The following SGK1 variants were observed in gnomAD, a reference collection of about 807,000 sequenced individuals.
SGK1 encodes serum/glucocorticoid regulated kinase 1.
Under a neutral mutation model 64.2 loss-of-function variants are expected in SGK1, and 26 were observed. The ratio of observed to expected loss-of-function variants is 0.40; its 90% confidence interval spans 0.30 to 0.56. The LOEUF (loss-of-function observed/expected upper bound fraction) is 0.56. Ranked by LOEUF, SGK1 falls within the 20% of genes least tolerant of loss-of-function variation. SGK1 has a pLI of 0.38. For missense variants in SGK1, 519 were observed against 645.6 expected (o/e 0.80, Z 2.12); for synonymous variants, 265 against 239.7 (o/e 1.11, Z -0.98).
chr6:134,233,774 C>A (rs1007988287), intron 2 of SGK1, among the ~76,000 whole-genome samples: 1 of 150,124 alleles, frequency 6.7e-6, no homozygotes, highest in African/African-American at 2.4e-5. Context: ...TGATGCCAAA[C>A]TAAATTGGCA....
intron 1 of SGK1, among the ~76,000 whole-genome samples, chr6:134,300,993 G>A (rs1777445909): frequency 6.6e-6 from 1 of 152,042 alleles, no homozygotes; most frequent in Non-Finnish European, 1.5e-5. Context: ...ACTGACGTTG[G>A]GAGAAAAGAA....
At chr6:134,261,860 T>C in intron 2 of SGK1, 73 bp downstream of exon 2, 1 of 1,090,002 alleles carries the variant, frequency 9.2e-7, no homozygotes, top group Non-Finnish European at 1.4e-6. Flanking sequence ...GGGTATACTC[T>C]GGCAGAAATA....
intron 2 of SGK1, among the ~76,000 whole-genome samples, chr6:134,241,185 G>A (rs1776442225): frequency 6.6e-6 from 1 of 151,530 alleles, no homozygotes; most frequent in South Asian, 2.1e-4. Flanking sequence ...GAGTAGCTGG[G>A]ACTACAGGCA....
Position 134,207,554 on chromosome 6 carries a change from T to G in SGK1, c.286-123A>C, listed in dbSNP as rs927411628. On this transcript the variant is annotated intron_variant, in intron 2 of 13. Coordinates refer to ENST00000367858, the MANE Select transcript of SGK1 (RefSeq NM_001143676.3). ...ACTAGTACATATGGCATGTCTGTGC[T>G]CTAATTAGGGTGGTTTTCTCAGGAC... 7.1e-6 allele frequency: 5 copies of G among 704,244 alleles called. No individual in the cohort carries two copies. The East Asian group carries it at 1.4e-4, about 19-fold the overall frequency. The allele number at this position is 704,244 out of a possible 1,614,324, so 43.6% of individuals were successfully genotyped here.
chr6:134,267,216 T>A (rs181279106), intron 1 of SGK1, among the ~76,000 whole-genome samples: 80 of 152,164 alleles, frequency 5.3e-4, no homozygotes, highest in Non-Finnish European at 1.1e-3. Context: ...TATTTCTTTT[T>A]GTTTTTTATT....
intron 2 of SGK1, among the ~76,000 whole-genome samples, chr6:134,222,361 G>A (rs1269366709): frequency 6.7e-6 from 1 of 149,308 alleles, no homozygotes; most frequent in Non-Finnish European, 1.5e-5. Context: ...TTGAGACGGA[G>A]TTTCACTCTT....
chr6:134,212,102 G>A (rs1033550562), intron 2 of SGK1, among the ~76,000 whole-genome samples: 1 of 151,354 alleles, frequency 6.6e-6, no homozygotes, highest in African/African-American at 2.4e-5. Context: ...CGCCCAGGCT[G>A]GAGTGCAGTG....
In SGK1 at chr6:134,316,423, G is replaced by A. The variant is rs142866647; in HGVS notation, c.69+969C>T. ...TATTAAATAGGATGGGGCAACTGGG[G>A]ACTGGAGGATGTTCCTTCTCTTACG... On this transcript the variant is annotated intron_variant, in intron 1 of 13. Transcript: ENST00000367858. 4.2e-3 allele frequency among the ~76,000 whole-genome samples: 642 copies of A among 152,212 alleles called. 6 individuals are homozygous for A. Among genetic ancestry groups the A allele is most frequent in the African/African-American group, 0.015 (613 of 41,538 alleles).
intron 3 of SGK1, among the ~76,000 whole-genome samples, chr6:134,176,622 G>A (rs1166230931): frequency 6.6e-6 from 1 of 152,194 alleles, no homozygotes; most frequent in Non-Finnish European, 1.5e-5. Context: ...GTCTGCGGTG[G>A]CTGCCCTGCC....
chr6:134,202,552 A>G (rs1400619936), intron 3 of SGK1, among the ~76,000 whole-genome samples: 1 of 152,088 alleles, frequency 6.6e-6, no homozygotes, highest in African/African-American at 2.4e-5. Context: ...GAGACAGGAG[A>G]CAGGAGAATT....
chr6:134,175,638 CA>C, intron 3 of SGK1: 1 of 1,532,802 alleles, frequency 6.5e-7, no homozygotes, highest in Non-Finnish European at 8.8e-7. Flanking sequence ...GGGCTCTGGC[CA>C]GCGCGCCCTG....
intron 3 of SGK1, among the ~76,000 whole-genome samples, chr6:134,204,709 C>A (rs992429800): frequency 9.2e-5 from 14 of 151,938 alleles, no homozygotes; most frequent in Non-Finnish European, 1.8e-4. Flanking sequence ...ACGTGCCACA[C>A]CTCCCGGCTA....
At chr6:134,176,904 G>C (rs1264737740) in intron 3 of SGK1, among the ~76,000 whole-genome samples, 3 of 152,182 alleles carry the variant, frequency 2.0e-5, no homozygotes, top group Non-Finnish European at 2.9e-5. Context: ...AGTTTGCTCA[G>C]TGCCCACACT....
rs146613053 is a variant in SGK1 at position 134,204,264 on chromosome 6, A to T, written c.361+3092T>A. Among the ~76,000 whole-genome samples, 658 of 127,748 alleles carry T rather than the reference A, an allele frequency of 5.2e-3. 5 individuals are homozygous for T. The highest frequency in any genetic ancestry group is 0.018 in the African/African-American group (631 of 35,470). 83.8% of individuals were successfully genotyped at this position (127,748 alleles called of 152,430 possible). On this transcript the variant is annotated intron_variant, in intron 3 of 13. Coordinates refer to ENST00000367858, the MANE Select transcript of SGK1 (RefSeq NM_001143676.3). ...AATAAATAAATAAATAAATAAATAAATAATTACTCTAGACATAGATCCTAC... is the reference window on the plus strand; with the variant it reads ...AATAAATAAATAAATAAATAAATAATTAATTACTCTAGACATAGATCCTAC...
At chr6:134,275,151 TG>T (rs1336349453) in intron 1 of SGK1, among the ~76,000 whole-genome samples, 1 of 152,040 alleles carries the variant, frequency 6.6e-6, no homozygotes. Flanking sequence ...CTGGGTGCAT[TG>T]GCTCACCTCA....
chr6:134,198,048 T>G (rs1309073940), intron 3 of SGK1, among the ~76,000 whole-genome samples: 1 of 152,054 alleles, frequency 6.6e-6, no homozygotes, highest in Non-Finnish European at 1.5e-5. Context: ...TTTAATGAGG[T>G]GGAGGGTATA....
chr6:134,204,317 G>C (rs538325071), intron 3 of SGK1, among the ~76,000 whole-genome samples: 1 of 151,380 alleles, frequency 6.6e-6, no homozygotes, highest in Admixed American at 6.6e-5. Flanking sequence ...TTGGTGACTG[G>C]GAAGGATCTT....
At chr6:134,252,824 A>G (rs1474187681) in intron 2 of SGK1, among the ~76,000 whole-genome samples, 2 of 152,126 alleles carry the variant, frequency 1.3e-5, no homozygotes, top group Non-Finnish European at 2.9e-5. Context: ...CAGAGACCAT[A>G]ATACATCATG....
chr6:134,188,212 T>C (rs1046375235), intron 3 of SGK1, among the ~76,000 whole-genome samples: 2 of 152,072 alleles, frequency 1.3e-5, no homozygotes, highest in Non-Finnish European at 2.9e-5. Flanking sequence ...GACACAAATA[T>C]CTTTACCTTT....
Sources: allele counts gnomAD v4.1 joint callset (sites outside exome capture counted in the v4.1 genomes callset), GRCh38; gene constraint gnomAD v4.1.1; transcripts MANE v1.5; gene names NCBI Gene and HGNC (gene_info 2026-07-23, HGNC 2026-07-21).